Variants in CNTNAP2 observed in about 807,000 individuals in gnomAD.
The protein encoded by CNTNAP2 is contactin associated protein 2, also known as contactin-associated protein-like 2.
In CNTNAP2, 98 loss-of-function variants were observed where a neutral mutation model predicts 155.2. The observed-to-expected ratio is 0.63, with a 90% CI of 0.54 to 0.75. The LOEUF (loss-of-function observed/expected upper bound fraction) is 0.75, where lower values mean the gene tolerates loss of function less well. CNTNAP2 is among the 30% of genes least tolerant of loss of function. The probability of loss-of-function intolerance (pLI) is 0.00; values close to 1 mark genes in which losing one functional copy is unlikely to be tolerated. For missense variants in CNTNAP2, 1,727 were observed against 1,688.1 expected (o/e 1.02, Z -0.40); for synonymous variants, 651 against 631.2 (o/e 1.03, Z -0.47).
chr7:147,950,307 C>T (rs983891677), intron 14 of CNTNAP2, among the ~76,000 whole-genome samples: 3 of 123,144 alleles, frequency 2.4e-5, no homozygotes, highest in Admixed American at 1.1e-4. Context: ...TCCTTATATC[C>T]TTAGTCCAGT....
At chr7:146,841,932 G>A (rs1008139972) in intron 3 of CNTNAP2, among the ~76,000 whole-genome samples, 2 of 151,906 alleles carry the variant, frequency 1.3e-5, no homozygotes, top group African/African-American at 4.8e-5. Flanking sequence ...GCCCAGGCTG[G>A]AATGCAGTGG....
intron 3 of CNTNAP2, among the ~76,000 whole-genome samples, chr7:146,983,107 T>C (rs377403093): frequency 8.5e-5 from 13 of 152,160 alleles, no homozygotes; most frequent in Non-Finnish European, 1.5e-4. Context: ...ATTGTCCCAA[T>C]TGGAGAAGAC....
At chr7:146,210,483 T>C (rs952025835) in intron 1 of CNTNAP2, among the ~76,000 whole-genome samples, 1 of 152,144 alleles carries the variant, frequency 6.6e-6, no homozygotes, top group African/African-American at 2.4e-5. Flanking sequence ...TTTGTATTTT[T>C]AGTAGATACG....
chr7:147,768,377 G>T (rs186158171), intron 13 of CNTNAP2, among the ~76,000 whole-genome samples: 1 of 152,004 alleles, frequency 6.6e-6, no homozygotes, highest in Non-Finnish European at 1.5e-5. Flanking sequence ...TGTATCATGA[G>T]GCCAAACTTT....
intron 15 of CNTNAP2, among the ~76,000 whole-genome samples, chr7:148,033,216 T>A (rs1262845447): frequency 1.3e-5 from 2 of 152,152 alleles, no homozygotes; most frequent in East Asian, 3.9e-4. Flanking sequence ...TACTTCTAAG[T>A]CTATATACAT....
chr7:147,918,828 G>T (rs925691694), intron 14 of CNTNAP2, among the ~76,000 whole-genome samples: 8 of 152,082 alleles, frequency 5.3e-5, no homozygotes, highest in African/African-American at 1.9e-4. Flanking sequence ...TTTACCTTAG[G>T]TTACTATATT....
intron 10 of CNTNAP2, among the ~76,000 whole-genome samples, chr7:147,418,085 C>T (rs1351726663): frequency 1.3e-5 from 2 of 152,062 alleles, no homozygotes; most frequent in Non-Finnish European, 2.9e-5. Flanking sequence ...AATTATATGC[C>T]AATACCCACT....
chr7:147,735,767 C>T (rs1395826760), intron 13 of CNTNAP2, among the ~76,000 whole-genome samples: 1 of 151,930 alleles, frequency 6.6e-6, no homozygotes, highest in Non-Finnish European at 1.5e-5. Flanking sequence ...ATCCCTTTAC[C>T]ATTATGTAAT....
intron 8 of CNTNAP2, among the ~76,000 whole-genome samples, chr7:147,135,605 T>G (rs1801462538): frequency 6.6e-6 from 1 of 151,796 alleles, no homozygotes; most frequent in Non-Finnish European, 1.5e-5. Context: ...TTCAAAACTC[T>G]GGGGAAGGTG....
At chr7:146,359,396 C>G (rs1203178661) in intron 1 of CNTNAP2, among the ~76,000 whole-genome samples, 1 of 152,232 alleles carries the variant, frequency 6.6e-6, no homozygotes, top group African/African-American at 2.4e-5. Context: ...CTTCCACGAT[C>G]TCTAAAGTCT....
chr7:146,503,965 A>G (rs1209321385), intron 1 of CNTNAP2, among the ~76,000 whole-genome samples: 1 of 152,184 alleles, frequency 6.6e-6, no homozygotes, highest in Non-Finnish European at 1.5e-5. Context: ...GTGCAGTTAT[A>G]TTTCTCACAG....
At chr7:148,395,119 A>AC (rs139844217) in intron 22 of CNTNAP2, among the ~76,000 whole-genome samples, 1,663 of 120,650 alleles carry the variant, frequency 0.014, 16 homozygotes, top group Non-Finnish European at 0.016. Flanking sequence ...GTTTCTGTTG[A>AC]CCCCCCCCCC....
chr7:146,704,330 G>A (rs1483774891), intron 1 of CNTNAP2, among the ~76,000 whole-genome samples: 1 of 152,100 alleles, frequency 6.6e-6, no homozygotes, highest in Non-Finnish European at 1.5e-5. Context: ...GAGATACAGA[G>A]AAGGAGAATA....
intron 1 of CNTNAP2, among the ~76,000 whole-genome samples, chr7:146,549,043 T>C (rs1419484395): frequency 1.3e-5 from 2 of 151,530 alleles, no homozygotes; most frequent in Non-Finnish European, 2.9e-5. Flanking sequence ...ATGTGTAGTA[T>C]AAGAGTCCAA....
intron 1 of CNTNAP2, among the ~76,000 whole-genome samples, chr7:146,324,796 C>A (rs1801069006): frequency 6.8e-6 from 1 of 146,692 alleles, no homozygotes; most frequent in Admixed American, 6.7e-5. Context: ...TATATATGTG[C>A]TGATATAAAA....
intron 1 of CNTNAP2, among the ~76,000 whole-genome samples, chr7:146,218,587 A>T (rs1799155643): frequency 6.6e-6 from 1 of 152,086 alleles, no homozygotes; most frequent in Non-Finnish European, 1.5e-5. Flanking sequence ...AAAAAATAAA[A>T]ATATATATAT....
chr7:147,902,238 T>G (rs1424054957), intron 13 of CNTNAP2, among the ~76,000 whole-genome samples: 1 of 152,220 alleles, frequency 6.6e-6, no homozygotes, highest in Non-Finnish European at 1.5e-5. Flanking sequence ...AATCTTAAGC[T>G]TAACACTCCC....
At chr7:146,947,433 TAC>T (rs879492271) in intron 3 of CNTNAP2, among the ~76,000 whole-genome samples, 5,603 of 137,556 alleles carry the variant, frequency 0.041, 143 homozygotes, top group Middle Eastern at 0.088. Flanking sequence ...TATATATACA[TAC>T]ACACACACAC....
chr7:146,314,449 A>G (rs1800876652), intron 1 of CNTNAP2, among the ~76,000 whole-genome samples: 1 of 152,188 alleles, frequency 6.6e-6, no homozygotes, highest in Non-Finnish European at 1.5e-5. Context: ...AGAGAAGCTG[A>G]GAGCCAGAGT....
Sources: allele counts gnomAD v4.1 joint callset (sites outside exome capture counted in the v4.1 genomes callset), GRCh38; gene constraint gnomAD v4.1.1; transcripts MANE v1.5; gene names NCBI Gene and HGNC (gene_info 2026-07-23, HGNC 2026-07-21).